The following PTPRN2 variants were observed in gnomAD, a reference collection of about 807,000 sequenced individuals.
The protein encoded by PTPRN2 is protein tyrosine phosphatase receptor type N2.
PTPRN2 carries 74 observed loss-of-function variants against 118.8 expected under a neutral mutation model. The observed-to-expected ratio is 0.62, with a 90% CI of 0.52 to 0.76. The LOEUF is 0.76. PTPRN2 is among the 30% of genes least tolerant of loss of function. The pLI is 0.00. For missense variants in PTPRN2, 1,481 were observed against 1,394.4 expected, an observed-to-expected ratio of 1.06 and a Z score of -0.99; for synonymous variants, 641 against 608.0, an observed-to-expected ratio of 1.05 and a Z score of -0.80.
chr7:158,283,852 GCA>G (rs1277774866), intron 3 of PTPRN2, among the ~76,000 whole-genome samples: 4 of 152,114 alleles, frequency 2.6e-5, no homozygotes, highest in Non-Finnish European at 5.9e-5. Flanking sequence ...CACACTGTGA[GCA>G]CAGACCTAGA....
intron 12 of PTPRN2, among the ~76,000 whole-genome samples, chr7:157,761,723 T>C (rs1014273723): frequency 1.3e-5 from 2 of 148,842 alleles, no homozygotes; most frequent in Non-Finnish European, 3.0e-5. Flanking sequence ...CCAAAAGCAA[T>C]GGCAACAGAA....
At chr7:158,076,813 G>C (rs914642705) in intron 11 of PTPRN2, among the ~76,000 whole-genome samples, 1 of 152,100 alleles carries the variant, frequency 6.6e-6, no homozygotes, top group South Asian at 2.1e-4. Context: ...AAGAACTCCC[G>C]TCTGAACAGC....
intron 10 of PTPRN2, among the ~76,000 whole-genome samples, chr7:158,092,872 G>A (rs936156228): frequency 6.6e-6 from 1 of 152,184 alleles, no homozygotes; most frequent in African/African-American, 2.4e-5. Context: ...GCCTTGAGTA[G>A]GTGGGCGCAA....
intron 12 of PTPRN2, among the ~76,000 whole-genome samples, chr7:157,819,427 G>C (rs1440545174): frequency 1.3e-5 from 2 of 152,188 alleles, no homozygotes; most frequent in South Asian, 2.1e-4. Context: ...GCAACACCAG[G>C]GGCTGCGCAG....
At chr7:158,123,416 G>T (rs879874170) in intron 9 of PTPRN2, among the ~76,000 whole-genome samples, 1 of 152,110 alleles carries the variant, frequency 6.6e-6, no homozygotes, top group African/African-American at 2.4e-5. Context: ...CGCAGTGACC[G>T]ACACCATGTC....
intron 9 of PTPRN2, among the ~76,000 whole-genome samples, chr7:158,130,514 TCATA>T (rs1818102015): frequency 8.0e-6 from 1 of 124,648 alleles, no homozygotes; most frequent in African/African-American, 3.4e-5. Context: ...ACACACACAC[TCATA>T]CACACACACG....
chr7:157,701,660 A>G (rs1377705075), intron 12 of PTPRN2, among the ~76,000 whole-genome samples: 2 of 151,952 alleles, frequency 1.3e-5, no homozygotes, highest in East Asian at 1.9e-4. Context: ...TTTATCCTAC[A>G]CTCTGACCCA....
chr7:158,507,857 G>A (rs375985171), intron 1 of PTPRN2, among the ~76,000 whole-genome samples: 3 of 150,058 alleles, frequency 2.0e-5, no homozygotes, highest in Middle Eastern at 3.6e-3. Flanking sequence ...GGACTGCCCA[G>A]GGGATAGCGC....
At position 157,801,006 on chromosome 7, in the gene PTPRN2, T is replaced by C. The variant is rs1222650600; in HGVS notation, c.1788+97667A>G. ...ATACACACACATATATATACACACA[T>C]ATACATATACACACACATATATATA... On this transcript the variant is annotated intron_variant, in intron 12 of 22. Transcript: ENST00000389418. This position sits in a 1 kb window ranked among gnomAD's most constrained non-coding sequence, Gnocchi z 4.2. Among the ~76,000 whole-genome samples, 1 of 150,636 alleles carries C rather than the reference T, an allele frequency of 6.6e-6. No individual in the cohort carries two copies. Among genetic ancestry groups the C allele is most frequent in the African/African-American group, 2.4e-5 (1 of 40,868 alleles).
chr7:158,226,338 G>A (rs1828774337), intron 3 of PTPRN2, among the ~76,000 whole-genome samples: 1 of 152,208 alleles, frequency 6.6e-6, no homozygotes, highest in Non-Finnish European at 1.5e-5. Context: ...AGAACAAGGT[G>A]TCAAGGTTAA....
chr7:157,818,236 G>A (rs994832168), intron 12 of PTPRN2, among the ~76,000 whole-genome samples: 1 of 152,048 alleles, frequency 6.6e-6, no homozygotes, highest in African/African-American at 2.4e-5. Flanking sequence ...GTATGTGTGT[G>A]CCCGTGCATG....
intron 10 of PTPRN2, among the ~76,000 whole-genome samples, chr7:158,083,277 G>A (rs535558188): frequency 4.6e-5 from 7 of 152,152 alleles, no homozygotes; most frequent in East Asian, 1.9e-4. Context: ...ATTTGTGACC[G>A]GTTCAACATT....
At chr7:157,725,675 C>G (rs1247352791) in intron 12 of PTPRN2, among the ~76,000 whole-genome samples, 6 of 122,082 alleles carry the variant, frequency 4.9e-5, no homozygotes, top group Non-Finnish European at 6.9e-5. Flanking sequence ...GAGGAGTGAG[C>G]CAGACCCTCG....
intron 11 of PTPRN2, among the ~76,000 whole-genome samples, chr7:158,038,056 G>C (rs181546345): frequency 2.0e-5 from 3 of 152,198 alleles, no homozygotes; most frequent in South Asian, 4.1e-4. Flanking sequence ...TCTGGAGCTG[G>C]ATGGTGACTA....
At chr7:158,046,504 G>C (rs554145478) in intron 11 of PTPRN2, among the ~76,000 whole-genome samples, 1 of 152,224 alleles carries the variant, frequency 6.6e-6, no homozygotes. Flanking sequence ...CTTGTTCTGT[G>C]CACTGCCCTT....
chr7:158,259,808 G>A lies in PTPRN2; in HGVS notation c.278-54535C>T, dbSNP rs115437745. 1.1e-3 allele frequency among the ~76,000 whole-genome samples: 164 copies of A among 147,634 alleles called. 1 individual carries two copies. The highest frequency in any genetic ancestry group is 3.7e-3 in the African/African-American group (153 of 41,000). ...CTCTGGTATACACGTATTTGTCCACGTGTCCCTTTGTGTACACATATGTGA... is the reference window on the plus strand; with the variant it reads ...CTCTGGTATACACGTATTTGTCCACATGTCCCTTTGTGTACACATATGTGA... On this transcript the variant is annotated intron_variant, in intron 3 of 22. Coordinates refer to ENST00000389418, the MANE Select transcript of PTPRN2 (RefSeq NM_002847.5).
intron 22 of PTPRN2, among the ~76,000 whole-genome samples, chr7:157,545,503 G>A (rs760079976): frequency 6.6e-5 from 10 of 151,982 alleles, no homozygotes; most frequent in Non-Finnish European, 1.3e-4. Context: ...GTGCAGGTGT[G>A]TGGGTGTACA....
intron 11 of PTPRN2, among the ~76,000 whole-genome samples, chr7:157,939,690 C>T (rs112320480): frequency 4.5e-4 from 68 of 152,370 alleles, no homozygotes; most frequent in African/African-American, 1.5e-3. Flanking sequence ...CTCAGAACTC[C>T]TCAGTCCAGC....
chr7:157,609,722 G>A lies in PTPRN2; in HGVS notation c.2345-5647C>T, dbSNP rs564594489. ...ACAGCACTGTTGTGGTAAATGGCAC[G>A]CAGCAAGCAATGAGGAGCAAGGCTG... On this transcript the variant is annotated intron_variant, in intron 15 of 22. Transcript: ENST00000389418. The surrounding 1 kb of genome is among the most constrained non-coding windows in gnomAD (Gnocchi z 4.9). 3.3e-5 allele frequency among the ~76,000 whole-genome samples: 5 copies of A among 152,284 alleles called. No homozygotes were observed. The highest frequency in any genetic ancestry group is 6.5e-5 in the Admixed American group (1 of 15,298).
Sources: allele counts gnomAD v4.1 joint callset (sites outside exome capture counted in the v4.1 genomes callset), GRCh38; gene constraint gnomAD v4.1.1; non-coding constraint Gnocchi (gnomAD v3.1); transcripts MANE v1.5; gene names NCBI Gene and HGNC (gene_info 2026-07-23, HGNC 2026-07-21).